Variants in ZC3H7B observed in about 807,000 individuals in gnomAD.
ZC3H7B encodes the protein zinc finger CCCH-type containing 7B, also known as zinc finger CCCH domain-containing protein 7B.
In ZC3H7B, 35 loss-of-function variants were observed where a neutral mutation model predicts 116.0. The ratio of observed to expected loss-of-function variants is 0.30; its 90% confidence interval spans 0.23 to 0.40. The LOEUF is 0.40. Ranked by LOEUF, ZC3H7B falls within the 10% of genes least tolerant of loss-of-function variation. ZC3H7B has a pLI of 1.00. For synonymous variants in ZC3H7B, 502 were observed against 545.6 expected, an observed-to-expected ratio of 0.92 and a Z score of 1.11; for missense variants, 1,011 against 1,321.5, an observed-to-expected ratio of 0.77 and a Z score of 3.64.
rs202093398 is a variant in ZC3H7B, at chr22:41,346,237, A to G, written c.1665+29A>G. The G allele has an allele frequency of 1.5e-3, 2,473 of 1,600,010 alleles. 42 individuals carry two copies. The highest frequency in any genetic ancestry group is 3.8e-4 in the Non-Finnish European group (444 of 1,176,402). ...CTGCCCACCCACCCACTGCCACCCCATAGGCCATGGCACAGACAGGGCTGG... is the reference window on the plus strand; with the variant it reads ...CTGCCCACCCACCCACTGCCACCCCGTAGGCCATGGCACAGACAGGGCTGG... On this transcript the variant is annotated intron_variant, in intron 14 of 22. Coordinates refer to ENST00000352645, the MANE Select transcript of ZC3H7B (RefSeq NM_017590.6). The surrounding 1 kb of genome is among the most constrained non-coding windows in gnomAD (Gnocchi z 5.3).
chr22:41,327,879 T>C lies in ZC3H7B; in HGVS notation c.444+515T>C, dbSNP rs1197992708. Among the ~76,000 whole-genome samples, 1 of 152,186 alleles carries C rather than the reference T, an allele frequency of 6.6e-6. No homozygotes were observed. The highest frequency in any genetic ancestry group is 2.4e-5 in the African/African-American group (1 of 41,446). ...TGGCTCATGCCTGTAATCCCAGCAC[T>C]GTGGGAGGCCAAGGCGGGAGGATCA... On this transcript the variant is annotated intron_variant, in intron 5 of 22. Transcript: ENST00000352645. The surrounding 1 kb of genome is among the most constrained non-coding windows in gnomAD (Gnocchi z 4.5).
intron 1 of ZC3H7B, among the ~76,000 whole-genome samples, chr22:41,308,828 G>T (rs966531567): frequency 6.6e-6 from 1 of 152,108 alleles, no homozygotes. Flanking sequence ...TGCAGCCACG[G>T]TGGCCTTCTG....
chr22:41,357,060 G>A lies in ZC3H7B; in HGVS notation c.2682-117G>A. The A allele has an allele frequency of 6.7e-7, 1 of 1,498,202 alleles. No individual in the cohort carries two copies. Among genetic ancestry groups the A allele is most frequent in the East Asian group, 2.4e-5 (1 of 42,498 alleles). 92.8% of individuals were successfully genotyped at this position (1,498,202 alleles called of 1,614,324 possible). ...GACACCCAGGTTTTCCCTGAGCTGG[G>A]ACCCAGCTGCCCAGGGAGAGGCTTG... On this transcript the variant is annotated intron_variant, in intron 22 of 22. Coordinates refer to ENST00000352645, the MANE Select transcript of ZC3H7B (RefSeq NM_017590.6). This position sits in a 1 kb window ranked among gnomAD's most constrained non-coding sequence, Gnocchi z 5.4.
At chr22:41,303,077 C>G (rs1372148561) in intron 1 of ZC3H7B, among the ~76,000 whole-genome samples, 1 of 152,200 alleles carries the variant, frequency 6.6e-6, no homozygotes, top group African/African-American at 2.4e-5. Context: ...ATCTTTAGTT[C>G]TACTACCAAT....
In ZC3H7B at chr22:41,346,056, C is replaced by T; in HGVS notation, c.1513C>T (p.His505Tyr). The change falls in exon 14 of 23, where the codon CAT becomes TAT. Residue 505 changes from histidine to tyrosine, a missense_variant. Physicochemically the swap from His to Tyr is moderately conservative, Grantham distance 83. Transcript: ENST00000352645. This position sits in a 1 kb window ranked among gnomAD's most constrained non-coding sequence, Gnocchi z 5.3. ...KYGDNCTFAY[H>Y]QEEIDVWTEE... ...CGGGGATAACTGCACCTTCGCCTAC[C>T]ATCAGGAGGAGATCGACGTGTGGAC... 2 of 1,614,118 alleles carry T rather than the reference C, an allele frequency of 1.2e-6. No homozygotes were observed. The highest frequency in any genetic ancestry group is 1.7e-6 in the Non-Finnish European group (2 of 1,180,024).
intron 1 of ZC3H7B, among the ~76,000 whole-genome samples, chr22:41,319,258 A>G (rs1329540128): frequency 4.6e-5 from 7 of 152,214 alleles, no homozygotes; most frequent in East Asian, 1.9e-4. Flanking sequence ...AAAATTAGCT[A>G]GGCATGGTGG....
chr22:41,349,038 A>G lies in ZC3H7B; in HGVS notation c.1767-82A>G, dbSNP rs2036623682. On this transcript the variant is annotated intron_variant, in intron 15 of 22. Transcript: ENST00000352645. The surrounding 1 kb of genome is among the most constrained non-coding windows in gnomAD (Gnocchi z 4.9). ...AGGGGGTGCCCAGGGAGAGCCTGGC[A>G]CTGGGAAGGTGGCCCTACCAGGAGA... The G allele has an allele frequency of 2.8e-6, 4 of 1,449,298 alleles. No homozygotes were observed. Among genetic ancestry groups the G allele is most frequent in the Non-Finnish European group, 3.8e-6 (4 of 1,063,072 alleles). The allele number at this position is 1,449,298 out of a possible 1,614,324, so 89.8% of individuals were successfully genotyped here. A position where few individuals can be genotyped will look rare whatever the true frequency, so the allele number is the denominator to read the frequency against.
intron 1 of ZC3H7B, among the ~76,000 whole-genome samples, chr22:41,317,231 C>T (rs531171078): frequency 1.1e-4 from 17 of 152,194 alleles, no homozygotes; most frequent in African/African-American, 3.6e-4. Context: ...CCACCCACCT[C>T]GGCCTCCCAA....
chr22:41,345,424 A>G (rs187546542), intron 13 of ZC3H7B, among the ~76,000 whole-genome samples: 104 of 152,184 alleles, frequency 6.8e-4, no homozygotes, highest in African/African-American at 2.3e-3. Flanking sequence ...TGTCTTTACT[A>G]AAAATACAAA....
chr22:41,329,439 G>A (rs200037505), intron 5 of ZC3H7B, among the ~76,000 whole-genome samples: 2 of 151,490 alleles, frequency 1.3e-5, no homozygotes, highest in Non-Finnish European at 2.9e-5. Context: ...TTCTATTTTT[G>A]GTAGAGATGG....
At chr22:41,353,792 C>T (rs7290404) in intron 17 of ZC3H7B, among the ~76,000 whole-genome samples, 32,080 of 152,174 alleles carry the variant, frequency 0.21, 4,540 homozygotes, top group Admixed American at 0.45. Context: ...TGTTCCTGGT[C>T]CTCTTCTCTT....
chr22:41,313,614 G>T (rs1183950534), intron 1 of ZC3H7B, among the ~76,000 whole-genome samples: 1 of 152,198 alleles, frequency 6.6e-6, no homozygotes, highest in Non-Finnish European at 1.5e-5. Context: ...TCTCAAAGAT[G>T]ATTCCAGTTT....
rs903906681 is a variant in ZC3H7B at position 41,306,450 on chromosome 22, T to C, written c.-7+4678T>C. Among the ~76,000 whole-genome samples the C allele has an allele frequency of 2.6e-5, 4 of 150,946 alleles. No individual in the cohort carries two copies. The East Asian group carries it at 7.8e-4, about 29-fold the overall frequency. On this transcript the variant is annotated intron_variant, in intron 1 of 22. Coordinates refer to ENST00000352645, the MANE Select transcript of ZC3H7B (RefSeq NM_017590.6). The stretch of plus-strand genomic sequence containing the variant: ...GTGGGATGGCACGATCTTGGCTCAC[T>C]GCAACCTCCGCCTCCCGGGTTCAAG...
intron 1 of ZC3H7B, among the ~76,000 whole-genome samples, chr22:41,310,986 C>T (rs1234086150): frequency 6.6e-6 from 1 of 151,492 alleles, no homozygotes; most frequent in Admixed American, 6.6e-5. Context: ...AGGATGGTCT[C>T]GATCTCCTGA....
intron 2 of ZC3H7B, among the ~76,000 whole-genome samples, chr22:41,322,437 C>T (rs112572002): frequency 0.028 from 4,283 of 151,792 alleles, 185 homozygotes; most frequent in African/African-American, 0.094. Context: ...CTGCCCTCCT[C>T]GGCCTCCCAA....
intron 1 of ZC3H7B, among the ~76,000 whole-genome samples, chr22:41,304,065 A>G (rs1210037670): frequency 3.6e-5 from 5 of 139,912 alleles, no homozygotes; most frequent in Admixed American, 1.4e-4. Flanking sequence ...CCTTCTTTTT[A>G]TTTTTTGAGA....
At position 41,358,218 on chromosome 22, in the gene ZC3H7B, A is replaced by G. The variant is rs2036746304; in HGVS notation, c.*789A>G. The G allele has an allele frequency of 6.6e-6, 1 of 152,248 alleles. No homozygotes were observed. Among genetic ancestry groups the G allele is most frequent in the South Asian group, 2.1e-4 (1 of 4,838 alleles). The allele number at this position is 152,248 out of a possible 1,614,324, so 9.4% of individuals were successfully genotyped here. ...CAGAGCTGGGATGAAAACAGGGCTG[A>G]AAAGACTCAGGGCCAATTATTGGCT... On this transcript the variant is annotated 3_prime_UTR_variant, in exon 23 of 23. Coordinates refer to ENST00000352645, the MANE Select transcript of ZC3H7B (RefSeq NM_017590.6).
chr22:41,346,059 CAGG>C lies in ZC3H7B; in HGVS notation c.1522_1524del (p.Glu508del). ...GGATAACTGCACCTTCGCCTACCAT[CAGG>C]AGGAGATCGACGTGTGGACCGAGGA... On this transcript the variant is annotated inframe_deletion, in exon 14 of 23. Coordinates refer to ENST00000352645, the MANE Select transcript of ZC3H7B (RefSeq NM_017590.6). This position sits in a 1 kb window ranked among gnomAD's most constrained non-coding sequence, Gnocchi z 5.3. 2 of 1,614,110 alleles carry C rather than the reference CAGG, an allele frequency of 1.2e-6. No homozygotes were observed. The highest frequency in any genetic ancestry group is 1.7e-6 in the Non-Finnish European group (2 of 1,180,022).
In ZC3H7B at chr22:41,342,552, T is replaced by C. The variant is rs2036535375; in HGVS notation, c.1221T>C (p.Thr407=). 6.2e-7 allele frequency: 1 copy of C among 1,613,372 alleles called. No individual in the cohort carries two copies. Among genetic ancestry groups the C allele is most frequent in the Non-Finnish European group, 8.5e-7 (1 of 1,179,896 alleles). ...APSPEPCMPN[T]ALLIKNPLAA... ...AGCCAGAGCCCTGCATGCCCAACAC[T>C]GCCTTGCTCATCAAGAACCCCTTGG... The change falls in exon 12 of 23, where the codon ACT becomes ACC. Residue 407 remains threonine (T), a synonymous_variant. Coordinates refer to ENST00000352645, the MANE Select transcript of ZC3H7B (RefSeq NM_017590.6).
Sources: allele counts gnomAD v4.1 joint callset (sites outside exome capture counted in the v4.1 genomes callset), GRCh38; gene constraint gnomAD v4.1.1; non-coding constraint Gnocchi (gnomAD v3.1); transcripts MANE v1.5; gene names NCBI Gene and HGNC (gene_info 2026-07-23, HGNC 2026-07-21).